Variants in PEBP4 observed in about 807,000 individuals in gnomAD.
PEBP4 encodes the protein phosphatidylethanolamine-binding protein 4.
Under a neutral mutation model 23.9 loss-of-function variants are expected in PEBP4, and 22 were observed. The observed-to-expected ratio is 0.92, with a 90% CI of 0.66 to 1.31. The LOEUF (loss-of-function observed/expected upper bound fraction) is 1.31. PEBP4 is among the 40% of genes most tolerant of loss of function. The pLI is 0.00. For synonymous variants in PEBP4, 112 were observed against 99.3 expected (o/e 1.13, Z -0.76); for missense variants, 324 against 281.7 (o/e 1.15, Z -1.07).
At chr8:22,874,814 G>A (rs1036924484) in intron 3 of PEBP4, among the ~76,000 whole-genome samples, 3 of 152,144 alleles carry the variant, frequency 2.0e-5, no homozygotes, top group Non-Finnish European at 2.9e-5. Context: ...AAGAAAATCC[G>A]ATAACTGAAA....
intron 5 of PEBP4, among the ~76,000 whole-genome samples, chr8:22,726,030 T>TGC (rs1554478548): frequency 2.0e-5 from 3 of 148,818 alleles, no homozygotes; most frequent in East Asian, 2.0e-4. Context: ...TGTGTGTGTG[T>TGC]GCACGCGCAT....
At chr8:22,866,970 A>AAGGATCGGCAGGAGCAT (rs756917614) in intron 3 of PEBP4, among the ~76,000 whole-genome samples, 94 of 152,302 alleles carry the variant, frequency 6.2e-4, no homozygotes, top group Non-Finnish European at 1.1e-3. Flanking sequence ...CAGCTGTGCA[A>AAGGATCGGCAGGAGCAT]AGGATCGGCA....
intron 4 of PEBP4, among the ~76,000 whole-genome samples, chr8:22,740,355 G>A (rs1293312305): frequency 6.6e-6 from 1 of 152,174 alleles, no homozygotes; most frequent in East Asian, 1.9e-4. Flanking sequence ...TGGTGAACTT[G>A]GACCCAGTCC....
intron 3 of PEBP4, chr8:22,885,848 C>T (rs904219501): frequency 1.3e-5 from 2 of 152,196 alleles, no homozygotes; most frequent in African/African-American, 4.8e-5. Context: ...AAGGGGAGCA[C>T]CTGAGTTTGG....
At chr8:22,820,444 G>T (rs1806834171) in intron 3 of PEBP4, among the ~76,000 whole-genome samples, 1 of 152,166 alleles carries the variant, frequency 6.6e-6, no homozygotes, top group Non-Finnish European at 1.5e-5. Flanking sequence ...AAGATGAATG[G>T]AGTAAATGGA....
intron 3 of PEBP4, among the ~76,000 whole-genome samples, chr8:22,822,452 T>C (rs1243814108): frequency 6.6e-6 from 1 of 151,378 alleles, no homozygotes; most frequent in African/African-American, 2.4e-5. Flanking sequence ...AATAAGAAAA[T>C]AAAAAGAAAC....
chr8:22,916,475 C>A (rs1001174229), intron 3 of PEBP4, among the ~76,000 whole-genome samples: 3 of 152,160 alleles, frequency 2.0e-5, no homozygotes, highest in African/African-American at 7.2e-5. Context: ...TCTTTCTCTG[C>A]CTGCTTCCCC....
rs548774286 is a variant in PEBP4, at chr8:22,789,854, C to T, written c.357+27783G>A. On this transcript the variant is annotated intron_variant, in intron 4 of 6. Transcript: ENST00000256404. ...TGCAAAGACAGCACTTCATTTTTAC[C>T]GAGTTCAACATCTTCGGGGACAGGT... is the stretch of plus-strand genomic sequence containing the variant. Among the ~76,000 whole-genome samples, 12 of 152,350 alleles carry T rather than the reference C, an allele frequency of 7.9e-5. No individual in the cohort carries two copies. In the South Asian group the frequency reaches 2.3e-3, roughly 29 times the overall value.
Position 22,865,489 on chromosome 8 carries a change from C to G in PEBP4, c.259-47754G>C, listed in dbSNP as rs1002246700. ...GAGGTGGAGCGCGCCACCGCCCCCC[C>G]GGCCGCGCAGCGAGAAGGAGCCTCG... On this transcript the variant is annotated intron_variant, in intron 3 of 6. Transcript: ENST00000256404. This position sits in a 1 kb window ranked among gnomAD's most constrained non-coding sequence, Gnocchi z 6.9. 7.9e-5 allele frequency among the ~76,000 whole-genome samples: 12 copies of G among 152,094 alleles called. No individual in the cohort carries two copies. The highest frequency in any genetic ancestry group is 2.2e-4 in the African/African-American group (9 of 41,424).
chr8:22,800,089 C>A (rs2128758544), intron 4 of PEBP4, among the ~76,000 whole-genome samples: 1 of 152,224 alleles, frequency 6.6e-6, no homozygotes, highest in Non-Finnish European at 1.5e-5. Flanking sequence ...TCATTCTGAG[C>A]AAACTATCAC....
At chr8:22,809,339 G>A (rs1806567653) in intron 4 of PEBP4, among the ~76,000 whole-genome samples, 1 of 152,152 alleles carries the variant, frequency 6.6e-6, no homozygotes, top group Non-Finnish European at 1.5e-5. Context: ...CCGGTCCAGG[G>A]CTGTGCATGG....
intron 4 of PEBP4, among the ~76,000 whole-genome samples, chr8:22,807,550 C>T (rs1195299396): frequency 6.6e-6 from 1 of 152,178 alleles, no homozygotes; most frequent in Non-Finnish European, 1.5e-5. Flanking sequence ...CTAGAGACAT[C>T]TATAACAATC....
At chr8:22,924,944 T>C in intron 2 of PEBP4, 2 of 985,374 alleles carry the variant, frequency 2.0e-6, no homozygotes, top group Non-Finnish European at 2.4e-6. Flanking sequence ...CCTTTAGGCA[T>C]TGAGTCCAAT....
At chr8:22,808,897 C>T (rs1004719537) in intron 4 of PEBP4, among the ~76,000 whole-genome samples, 26 of 152,246 alleles carry the variant, frequency 1.7e-4, no homozygotes, top group African/African-American at 5.1e-4. Context: ...GTGCTGAGAG[C>T]GGTGTGGGTC....
At chr8:22,780,629 T>C (rs1027046184) in intron 4 of PEBP4, among the ~76,000 whole-genome samples, 2 of 152,004 alleles carry the variant, frequency 1.3e-5, no homozygotes, top group Non-Finnish European at 2.9e-5. Flanking sequence ...CGATGGAAGT[T>C]ATAAGGCCTG....
At chr8:22,919,085 T>G (rs1029600214) in intron 3 of PEBP4, among the ~76,000 whole-genome samples, 19 of 152,210 alleles carry the variant, frequency 1.2e-4, no homozygotes, top group African/African-American at 4.1e-4. Context: ...TCTCTGATAG[T>G]GAAAAACACT....
chr8:22,756,579 C>T (rs1026377969), intron 4 of PEBP4, among the ~76,000 whole-genome samples: 1 of 152,152 alleles, frequency 6.6e-6, no homozygotes, highest in African/African-American at 2.4e-5. Flanking sequence ...GGGAAGCAAG[C>T]CTTTTCTAGA....
At position 22,762,190 on chromosome 8, in the gene PEBP4, G is replaced by A. The variant is rs568212194; in HGVS notation, c.358-34970C>T. ...GAAATCGCATGTGTTCTGGGGAGCT[G>A]TGCAAATTTTATTAACCAGGTGATG... On this transcript the variant is annotated intron_variant, in intron 4 of 6. Coordinates refer to ENST00000256404, the MANE Select transcript of PEBP4 (RefSeq NM_144962.3). 2.0e-5 allele frequency among the ~76,000 whole-genome samples: 3 copies of A among 152,276 alleles called. No individual in the cohort carries two copies. The South Asian group carries it at 6.2e-4, about 32-fold the overall frequency.
intron 3 of PEBP4, among the ~76,000 whole-genome samples, chr8:22,888,945 G>A (rs1328638886): frequency 6.6e-6 from 1 of 152,248 alleles, no homozygotes; most frequent in Non-Finnish European, 1.5e-5. Flanking sequence ...CCGCCAGGAA[G>A]CCTTCCAGGC....
Sources: allele counts gnomAD v4.1 joint callset (sites outside exome capture counted in the v4.1 genomes callset), GRCh38; gene constraint gnomAD v4.1.1; non-coding constraint Gnocchi (gnomAD v3.1); transcripts MANE v1.5; gene names NCBI Gene and HGNC (gene_info 2026-07-23, HGNC 2026-07-21).